NTM: variants seen among roughly 807,000 people sequenced by gnomAD.
The protein encoded by NTM is IgLON family member 2.
NTM carries 13 observed loss-of-function variants against 42.1 expected under a neutral mutation model. The observed-to-expected ratio is 0.31, with a 90% CI of 0.20 to 0.49. NTM has a LOEUF of 0.49. Among genes scored for constraint, NTM ranks in the 20% least tolerant of loss-of-function variants. NTM has a pLI of 0.99. For synonymous variants in NTM, 187 were observed against 179.2 expected (o/e 1.04, Z -0.35); for missense variants, 373 against 452.8 (o/e 0.82, Z 1.60).
At chr11:131,632,764 TC>T (rs955885470) in intron 1 of NTM, among the ~76,000 whole-genome samples, 1 of 135,700 alleles carries the variant, frequency 7.4e-6, no homozygotes, top group Non-Finnish European at 1.5e-5. Context: ...AAGCTCCGCC[TC>T]CCGGGTTCAC....
At chr11:131,694,814 C>T (rs2075233338) in intron 1 of NTM, among the ~76,000 whole-genome samples, 1 of 152,180 alleles carries the variant, frequency 6.6e-6, no homozygotes, top group African/African-American at 2.4e-5. Flanking sequence ...GCCTGATGAT[C>T]ACTCAGGATT....
intron 2 of NTM, among the ~76,000 whole-genome samples, chr11:131,964,946 TC>T (rs1317660537): frequency 1.3e-5 from 2 of 152,012 alleles, no homozygotes; most frequent in Non-Finnish European, 2.9e-5. Context: ...TACCAAGAGA[TC>T]AATAAAACTT....
At chr11:132,022,628 A>G (rs1463705508) in intron 2 of NTM, among the ~76,000 whole-genome samples, 1 of 152,212 alleles carries the variant, frequency 6.6e-6, no homozygotes, top group Non-Finnish European at 1.5e-5. Context: ...GTTGAATATA[A>G]TAATGTCAAA....
chr11:131,665,844 A>C (rs2068950332), intron 1 of NTM, among the ~76,000 whole-genome samples: 1 of 152,222 alleles, frequency 6.6e-6, no homozygotes, highest in Non-Finnish European at 1.5e-5. Flanking sequence ...GACTTTTGTC[A>C]AGTTCCCATG....
intron 1 of NTM, among the ~76,000 whole-genome samples, chr11:131,840,119 C>T (rs925415564): frequency 1.3e-5 from 2 of 152,140 alleles, no homozygotes; most frequent in African/African-American, 4.8e-5. Context: ...TAGGCGATTG[C>T]ATATACACTC....
intron 4 of NTM, among the ~76,000 whole-genome samples, chr11:132,259,612 A>G (rs893535948): frequency 5.9e-5 from 9 of 151,624 alleles, no homozygotes; most frequent in Admixed American, 3.9e-4. Flanking sequence ...CCCGGGAGGC[A>G]GAGGTTTCAG....
At chr11:131,557,197 G>C (rs2055558215) in intron 1 of NTM, among the ~76,000 whole-genome samples, 1 of 152,126 alleles carries the variant, frequency 6.6e-6, no homozygotes. Flanking sequence ...CTAAAGTAGG[G>C]TAACTAGGTT....
At chr11:131,669,876 T>C (rs531242982) in intron 1 of NTM, among the ~76,000 whole-genome samples, 1 of 152,326 alleles carries the variant, frequency 6.6e-6, no homozygotes, top group Non-Finnish European at 1.5e-5. Context: ...CTTCTGAAGA[T>C]TTGAGCGATC....
chr11:131,943,735 C>T (rs2060052640), intron 2 of NTM, among the ~76,000 whole-genome samples: 1 of 152,130 alleles, frequency 6.6e-6, no homozygotes, highest in South Asian at 2.1e-4. Context: ...CTGTAGGTGC[C>T]AGTTCTGTCA....
intron 1 of NTM, chr11:131,502,854 T>C (rs971216022): frequency 6.6e-6 from 1 of 152,164 alleles, no homozygotes; most frequent in African/African-American, 2.4e-5. Context: ...GAGTGCAGGG[T>C]GGAGGACGAG....
At chr11:131,787,954 C>T (rs1426872490) in intron 1 of NTM, among the ~76,000 whole-genome samples, 4 of 152,198 alleles carry the variant, frequency 2.6e-5, no homozygotes, top group African/African-American at 7.2e-5. Flanking sequence ...ACACTTCAAT[C>T]TGTCTGGACT....
chr11:132,134,098 CT>C (rs1399820446), intron 2 of NTM, among the ~76,000 whole-genome samples: 1 of 151,820 alleles, frequency 6.6e-6, no homozygotes, highest in Non-Finnish European at 1.5e-5. Flanking sequence ...CATTTTTTTT[CT>C]TTTTTTGTAA....
At chr11:131,831,963 TATA>T (rs1157454950) in intron 1 of NTM, among the ~76,000 whole-genome samples, 1 of 147,802 alleles carries the variant, frequency 6.8e-6, no homozygotes, top group African/African-American at 2.5e-5. Flanking sequence ...TATAATTAAA[TATA>T]ATATATATAT....
At chr11:131,772,480 G>T (rs1329602883) in intron 1 of NTM, among the ~76,000 whole-genome samples, 2 of 152,126 alleles carry the variant, frequency 1.3e-5, no homozygotes, top group Admixed American at 1.3e-4. Flanking sequence ...TCTTCTGCTG[G>T]CCTGGAAGCA....
At chr11:132,239,619 G>A (rs2089791695) in intron 4 of NTM, among the ~76,000 whole-genome samples, 1 of 152,124 alleles carries the variant, frequency 6.6e-6, no homozygotes, top group African/African-American at 2.4e-5. Flanking sequence ...TTGGCCAACG[G>A]TATAAATTGG....
intron 1 of NTM, among the ~76,000 whole-genome samples, chr11:131,547,324 A>C (rs1184896064): frequency 1.3e-5 from 2 of 152,186 alleles, no homozygotes; most frequent in African/African-American, 4.8e-5. Flanking sequence ...TTTAACAAAA[A>C]GAGAAAAGGG....
At chr11:131,650,447 T>G (rs1207575785) in intron 1 of NTM, among the ~76,000 whole-genome samples, 1 of 152,232 alleles carries the variant, frequency 6.6e-6, no homozygotes, top group Non-Finnish European at 1.5e-5. Flanking sequence ...ACATGGCTCC[T>G]CATTCTTTGC....
chr11:131,460,222 T>C (rs1213625930), intron 1 of NTM, among the ~76,000 whole-genome samples: 1 of 152,152 alleles, frequency 6.6e-6, no homozygotes, highest in Non-Finnish European at 1.5e-5. Flanking sequence ...TGATGAGGAA[T>C]AGAAGGAACA....
chr11:132,221,993 T>C (rs902953538), intron 4 of NTM, among the ~76,000 whole-genome samples: 2 of 152,176 alleles, frequency 1.3e-5, no homozygotes, highest in African/African-American at 4.8e-5. Context: ...ACCTACCAGC[T>C]TGGGGCACCC....
Sources: gnomAD v4.1 joint callset for allele counts (sites outside exome capture counted in the v4.1 genomes callset) on GRCh38, gnomAD v4.1.1 for gene constraint, MANE v1.5 for transcripts, NCBI Gene and HGNC (gene_info 2026-07-23, HGNC 2026-07-21) for gene names.